ALDH4A1: variants seen among roughly 807,000 people sequenced by gnomAD.
The protein encoded by ALDH4A1 is aldehyde dehydrogenase 4 family member A1.
In ALDH4A1, 46 loss-of-function variants were observed where a neutral mutation model predicts 70.5. That is an observed-to-expected ratio of 0.65 (90% CI 0.51 to 0.83). The LOEUF is 0.83. Ranked by LOEUF, ALDH4A1 falls within the 40% of genes least tolerant of loss-of-function variation. The pLI is 0.00. For synonymous variants in ALDH4A1, 323 were observed against 324.3 expected, an observed-to-expected ratio of 1.00 and a Z score of 0.04; for missense variants, 749 against 766.5, an observed-to-expected ratio of 0.98 and a Z score of 0.27.
intron 1 of ALDH4A1, among the ~76,000 whole-genome samples, chr1:18,896,885 G>C (rs184659760): frequency 0.013 from 1,962 of 149,058 alleles, 18 homozygotes; most frequent in Admixed American, 0.02. Context: ...AGAGTGAGAC[G>C]ATGTCTCAAA....
rs1467843359 is a variant in ALDH4A1, at chr1:18,879,300, C to T, written c.940G>A (p.Glu314Lys). ...RFHTFPRLAG[E>K]CGGKNFHFVH... ...GAGGAGGAGGTGAGGCAGGCCTTAC[C>T]TCCAGCCAGGCGTGGGAAGGTGTGG... The change falls in exon 9 of 15, where the codon GAG (glutamate) becomes AAG (lysine). Residue 314 changes from glutamate (E) to lysine (K), a missense_variant and splice_region_variant. By Grantham distance (56) the Glu-to-Lys change is moderately conservative. Transcript: ENST00000375341. The T allele has an allele frequency of 6.2e-7, 1 of 1,607,240 alleles. No individual in the cohort carries two copies. Among genetic ancestry groups the T allele is most frequent in the Non-Finnish European group, 8.5e-7 (1 of 1,177,046 alleles).
chr1:18,890,059 C>T lies in ALDH4A1; in HGVS notation c.109G>A (p.Val37Ile), dbSNP rs746845254. The change falls in exon 2 of 15, where the codon GTC becomes ATC. Residue 37 changes from valine (V) to isoleucine (I), a missense_variant. Val to Ile is a conservative substitution (Grantham distance 29). Coordinates refer to ENST00000375341, the MANE Select transcript of ALDH4A1 (RefSeq NM_003748.4). The part of the protein sequence containing the change: ...TSSLKVANEP[V>I]LAFTQGSPER... ...GGGCTGCCCTGCGTGAAGGCTAAGA[C>T]GGGCTCGTTGGCCACCTTCAGGGAG... 2.5e-5 allele frequency: 41 copies of T among 1,613,030 alleles called. No homozygotes were observed. The Admixed American group carries it at 2.7e-4, about 11-fold the overall frequency.
rs761715036 is a variant in ALDH4A1, at chr1:18,883,248, C to T, written c.603+31G>A. On this transcript the variant is annotated intron_variant, in intron 6 of 14. Transcript: ENST00000375341. ...TCAGGCCCATGGCATTGGGCTGCCCCGCCTGCTCGCCCACTGCCTCCTGCA... is the reference window on the plus strand; with the variant it reads ...TCAGGCCCATGGCATTGGGCTGCCCTGCCTGCTCGCCCACTGCCTCCTGCA... 6 of 1,613,002 alleles carry T rather than the reference C, an allele frequency of 3.7e-6. No homozygotes were observed. The Admixed American group carries it at 5.0e-5, about 13-fold the overall frequency.
At chr1:18,879,781 C>T (rs752774489) in intron 8 of ALDH4A1, among the ~76,000 whole-genome samples, 4 of 152,178 alleles carry the variant, frequency 2.6e-5, no homozygotes, top group Non-Finnish European at 5.9e-5. Context: ...GAACAGACCC[C>T]GCTGTGGTCT....
rs139430775 is a variant in ALDH4A1, at chr1:18,877,576, G to A, written c.977C>T (p.Ser326Leu). 4.2e-5 allele frequency: 67 copies of A among 1,609,466 alleles called. No homozygotes were observed. The highest frequency in any genetic ancestry group is 1.9e-4 in the Middle Eastern group (1 of 5,246). ...GGKNFHFVHR[S>L]ADVESVVSGT... Reference sequence around the variant, plus strand: ...GCTCACCACGCTCTCCACGTCGGCCGAGCGGTGCACGAAGTGGAAGTTCTT... The same window carrying A: ...GCTCACCACGCTCTCCACGTCGGCCAAGCGGTGCACGAAGTGGAAGTTCTT... Residue 326 changes from serine (S) to leucine (L), a missense_variant, in exon 10 of 15, where the codon TCG becomes TTG. Transcript: ENST00000375341.
In ALDH4A1 at chr1:18,892,437, G is replaced by A. The variant is rs574343469; in HGVS notation, c.63-2332C>T. Among the ~76,000 whole-genome samples, 175 of 152,226 alleles carry A rather than the reference G, an allele frequency of 1.1e-3. 1 individual carries two copies. The highest frequency in any genetic ancestry group is 4.1e-3 in the African/African-American group (169 of 41,520). On this transcript the variant is annotated intron_variant, in intron 1 of 14. Transcript: ENST00000375341. ...GCAGATGGTGAGCATGGCAAACAAG[G>A]GGGAGAATAGGGCTGCTTCAGCCAG...
chr1:18,898,972 C>G lies in ALDH4A1; in HGVS notation c.62+3490G>C, dbSNP rs1393957054. Among the ~76,000 whole-genome samples, 1 of 152,254 alleles carries G rather than the reference C, an allele frequency of 6.6e-6. No homozygotes were observed. Among genetic ancestry groups the G allele is most frequent in the Admixed American group, 6.5e-5 (1 of 15,288 alleles). ...TACCAGCATCCAGGAAACCACTGATCACATCACCGCTAATCCTTGCAGCCA... is the reference window on the plus strand; with the variant it reads ...TACCAGCATCCAGGAAACCACTGATGACATCACCGCTAATCCTTGCAGCCA... On this transcript the variant is annotated intron_variant, in intron 1 of 14. Transcript: ENST00000375341. The surrounding 1 kb of genome is among the most constrained non-coding windows in gnomAD (Gnocchi z 4.3).
At chr1:18,885,344 G>A (rs1935149976) in intron 5 of ALDH4A1, 129 bp downstream of exon 5, 1 of 892,240 alleles carries the variant, frequency 1.1e-6, no homozygotes, top group Admixed American at 2.1e-5. Context: ...TGTCCCTTGA[G>A]GACATCTCTG....
At position 18,883,269 on chromosome 1, in the gene ALDH4A1, C is replaced by T. The variant is rs527298059; in HGVS notation, c.603+10G>A. The stretch of plus-strand genomic sequence containing the variant: ...GCCCCGCCTGCTCGCCCACTGCCTC[C>T]TGCAGGTACCTCCAGACCCCGGTAC... On this transcript the variant is annotated intron_variant, in intron 6 of 14. Coordinates refer to ENST00000375341, the MANE Select transcript of ALDH4A1 (RefSeq NM_003748.4). 3 of 1,613,206 alleles carry T rather than the reference C, an allele frequency of 1.9e-6. No homozygotes were observed. The highest frequency in any genetic ancestry group is 1.3e-5 in the African/African-American group (1 of 75,078).
intron 1 of ALDH4A1, among the ~76,000 whole-genome samples, chr1:18,896,100 G>C (rs754435235): frequency 1.9e-4 from 29 of 152,204 alleles, no homozygotes; most frequent in Admixed American, 5.9e-4. Context: ...TAGCCGGAAT[G>C]GGGCTCCTAT....
At chr1:18,886,546 A>T in intron 3 of ALDH4A1, 35 bp from the exon 4 acceptor site, 1 of 1,610,384 alleles carries the variant, frequency 6.2e-7, no homozygotes, top group Non-Finnish European at 8.5e-7. Context: ...CTTGCCCGGG[A>T]GGGAGGTGCC....
chr1:18,882,336 T>A (rs1935011527), intron 7 of ALDH4A1, among the ~76,000 whole-genome samples: 1 of 152,008 alleles, frequency 6.6e-6, no homozygotes, highest in Non-Finnish European at 1.5e-5. Flanking sequence ...GACGTCCCCA[T>A]CCATGTCCCT....
chr1:18,889,507 A>G, intron 2 of ALDH4A1, 53 bp from the exon 3 acceptor site: 2 of 1,476,496 alleles, frequency 1.4e-6, no homozygotes, highest in Non-Finnish European at 1.9e-6. Context: ...GCTTCCTCCC[A>G]TCTAAAACCC....
At chr1:18,885,427 TCCCACCCCACCCCGCCCCA>T in intron 5 of ALDH4A1, 27 bp downstream of exon 5, 1 of 650,922 alleles carries the variant, frequency 1.5e-6, no homozygotes, top group Non-Finnish European at 2.7e-6. Flanking sequence ...CACACCTGAC[TCCCACCCCACCCCGCCCCA>T]CCCACCCGGG....
intron 4 of ALDH4A1, 116 bp from the exon 5 acceptor site, chr1:18,885,744 T>A: frequency 1.4e-6 from 2 of 1,437,210 alleles, no homozygotes; most frequent in East Asian, 2.4e-5. Context: ...ACAATGCCTG[T>A]CTCCCTGGGC....
At chr1:18,886,202 C>A (rs988490199) in intron 4 of ALDH4A1, among the ~76,000 whole-genome samples, 22 of 152,200 alleles carry the variant, frequency 1.4e-4, no homozygotes, top group African/African-American at 4.8e-4. Flanking sequence ...TCTGCCCCAC[C>A]ACAATGGGCA....
chr1:18,878,480 C>T (rs1934821592), intron 9 of ALDH4A1, among the ~76,000 whole-genome samples: 1 of 152,152 alleles, frequency 6.6e-6, no homozygotes, highest in South Asian at 2.1e-4. Context: ...CCCCAGTGGG[C>T]CCCAATTCAC....
chr1:18,889,465 G>A lies in ALDH4A1; in HGVS notation c.157-11C>T, dbSNP rs1170334370. Reference sequence around the variant, plus strand: ...CAGGTCCTTCAAGGCCTGGGGAGAGGGACAAGAGTGGGTATGGTCACCGCC... The same window carrying A: ...CAGGTCCTTCAAGGCCTGGGGAGAGAGACAAGAGTGGGTATGGTCACCGCC... On this transcript the variant is annotated splice_polypyrimidine_tract_variant and intron_variant, in intron 2 of 14. Coordinates refer to ENST00000375341, the MANE Select transcript of ALDH4A1 (RefSeq NM_003748.4). 17 of 1,550,010 alleles carry A rather than the reference G, an allele frequency of 1.1e-5. No homozygotes were observed. Among genetic ancestry groups the A allele is most frequent in the Non-Finnish European group, 1.5e-5 (17 of 1,145,794 alleles).
At position 18,889,462 on chromosome 1, in the gene ALDH4A1, G is replaced by A. The variant is rs199572977; in HGVS notation, c.157-8C>T. The A allele has an allele frequency of 1.2e-5, 18 of 1,550,862 alleles. No individual in the cohort carries two copies. The highest frequency in any genetic ancestry group is 9.8e-5 in the East Asian group (4 of 40,916). ...CTTCAGGTCCTTCAAGGCCTGGGGAGAGGGACAAGAGTGGGTATGGTCACC... is the reference window on the plus strand; with the variant it reads ...CTTCAGGTCCTTCAAGGCCTGGGGAAAGGGACAAGAGTGGGTATGGTCACC... On this transcript the variant is annotated splice_polypyrimidine_tract_variant and splice_region_variant and intron_variant, in intron 2 of 14. Coordinates refer to ENST00000375341, the MANE Select transcript of ALDH4A1 (RefSeq NM_003748.4).
Sources: gnomAD v4.1 joint callset for allele counts (sites outside exome capture counted in the v4.1 genomes callset) on GRCh38, gnomAD v4.1.1 for gene constraint, Gnocchi (gnomAD v3.1) non-coding constraint, MANE v1.5 for transcripts, NCBI Gene and HGNC (gene_info 2026-07-23, HGNC 2026-07-21) for gene names.